STRBP: variants seen among roughly 807,000 people sequenced by gnomAD.
STRBP encodes spermatid perinuclear RNA binding protein, also known as spermatid perinuclear RNA-binding protein.
In STRBP, 13 loss-of-function variants were observed where a neutral mutation model predicts 80.1. That is an observed-to-expected ratio of 0.16 (90% CI 0.11 to 0.26). The LOEUF is 0.26. Ranked by LOEUF, STRBP falls within the 10% of genes least tolerant of loss-of-function variation. The pLI, the probability that STRBP is intolerant of heterozygous loss-of-function variation, is 1.00. For missense variants in STRBP, 485 were observed against 815.2 expected (o/e 0.59, Z 4.93); for synonymous variants, 284 against 291.2 (o/e 0.98, Z 0.25).
chr9:123,174,798 G>A (rs1335931442), intron 4 of STRBP, among the ~76,000 whole-genome samples: 1 of 152,180 alleles, frequency 6.6e-6, no homozygotes, highest in Non-Finnish European at 1.5e-5. Flanking sequence ...GTCATAAATG[G>A]TGCATAAGAA....
Position 123,133,118 on chromosome 9 carries a change from C to G in STRBP, c.1774-150G>C, listed in dbSNP as rs1461435146. ...TGATCTTGAACCTTCAATTTATCAT[C>G]TGAAAAACAAAAATGATACCTACCT... On this transcript the variant is annotated intron_variant, in intron 16 of 18. Transcript: ENST00000348403. 5.6e-6 allele frequency: 5 copies of G among 885,908 alleles called. No homozygotes were observed. The East Asian group carries it at 1.1e-4, about 20-fold the overall frequency. The allele number at this position is 885,908 out of a possible 1,614,324, so 54.9% of individuals were successfully genotyped here.
chr9:123,235,048 A>C (rs1013079133), intron 2 of STRBP, among the ~76,000 whole-genome samples: 2 of 151,994 alleles, frequency 1.3e-5, no homozygotes, highest in African/African-American at 4.8e-5. Context: ...GAACACCGGA[A>C]ACACATTACA....
chr9:123,204,479 C>T (rs529240668), intron 2 of STRBP, among the ~76,000 whole-genome samples: 1 of 152,114 alleles, frequency 6.6e-6, no homozygotes, highest in Non-Finnish European at 1.5e-5. Context: ...TGAAATAGCA[C>T]CAGAATAGTA....
chr9:123,114,150 C>T (rs961831301), intron 3 of STRBP: 2 of 167,140 alleles, frequency 1.2e-5, no homozygotes, highest in Non-Finnish European at 2.9e-5. Flanking sequence ...TCCGTGTCCA[C>T]AGCTGCCACC....
chr9:123,251,361 A>AC (rs763171256), intron 1 of STRBP, among the ~76,000 whole-genome samples: 40 of 152,044 alleles, frequency 2.6e-4, no homozygotes, highest in Non-Finnish European at 5.6e-4. Flanking sequence ...ACCCCTCAAG[A>AC]CCCCACAAAG....
Position 123,125,000 on chromosome 9 carries a change from G to A in STRBP, c.*597C>T. The A allele has an allele frequency of 1.4e-5, 14 of 985,570 alleles. No homozygotes were observed. Among genetic ancestry groups the A allele is most frequent in the African/African-American group, 1.7e-5 (1 of 57,342 alleles). 61.1% of individuals were successfully genotyped at this position (985,570 alleles called of 1,614,324 possible). ...ATTAGTTTTCAATTCCTTGTAATTT[G>A]ATACCAAAACATATCAAAAATAATA... On this transcript the variant is annotated 3_prime_UTR_variant, in exon 19 of 19. Coordinates refer to ENST00000348403, the MANE Select transcript of STRBP (RefSeq NM_018387.5).
chr9:123,248,759 A>T (rs2040853621), intron 1 of STRBP, among the ~76,000 whole-genome samples: 1 of 152,226 alleles, frequency 6.6e-6, no homozygotes, highest in Non-Finnish European at 1.5e-5. Context: ...CACTGTCTGT[A>T]CTTTCCCATA....
Position 123,216,772 on chromosome 9 carries a change from T to C in STRBP, c.-165+20058A>G, listed in dbSNP as rs2132546092. 1.3e-5 allele frequency among the ~76,000 whole-genome samples: 2 copies of C among 152,336 alleles called. 1 individual carries two copies. Among genetic ancestry groups the C allele is most frequent in the South Asian group, 4.1e-4 (2 of 4,830 alleles). ...GGCAAGTGAGCCTTCATTTTTTATC[T>C]CCCATGTTCCATAGAGTGTACAGGA... On this transcript the variant is annotated intron_variant, in intron 2 of 18. Transcript: ENST00000348403.
chr9:123,158,993 T>C (rs1054480494), intron 9 of STRBP, 103 bp downstream of exon 9: 1 of 847,532 alleles, frequency 1.2e-6, no homozygotes. Flanking sequence ...AGAACTCCTA[T>C]GCATCATTTT....
intron 11 of STRBP, among the ~76,000 whole-genome samples, chr9:123,157,046 G>C (rs1471979875): frequency 6.6e-6 from 1 of 152,094 alleles, no homozygotes; most frequent in Non-Finnish European, 1.5e-5. Context: ...TAAGAAAGAG[G>C]GTAATATCCC....
intron 2 of STRBP, among the ~76,000 whole-genome samples, chr9:123,221,949 C>T (rs2040080849): frequency 6.6e-6 from 1 of 152,186 alleles, no homozygotes; most frequent in East Asian, 1.9e-4. Context: ...TCCCAACAGT[C>T]TTTCACCTAA....
At chr9:123,256,351 C>A (rs2041030254) in intron 1 of STRBP, among the ~76,000 whole-genome samples, 1 of 152,040 alleles carries the variant, frequency 6.6e-6, no homozygotes, top group East Asian at 1.9e-4. Context: ...GCTTTCCCCC[C>A]AAATTATTAC....
intron 4 of STRBP, among the ~76,000 whole-genome samples, chr9:123,178,664 A>G (rs78302956): frequency 0.02 from 3,072 of 152,272 alleles, 104 homozygotes; most frequent in African/African-American, 0.07. Context: ...ATCTCCCCAG[A>G]GATCAAAAAC....
chr9:123,168,935 C>A (rs2037887262), intron 6 of STRBP, among the ~76,000 whole-genome samples: 2 of 152,148 alleles, frequency 1.3e-5, no homozygotes, highest in Non-Finnish European at 1.5e-5. Flanking sequence ...GACAGCAATT[C>A]TTCTTAACTT....
chr9:123,259,737 C>T (rs1261027997), intron 1 of STRBP, among the ~76,000 whole-genome samples: 1 of 152,070 alleles, frequency 6.6e-6, no homozygotes, highest in African/African-American at 2.4e-5. Flanking sequence ...ACAACAACAA[C>T]AACAGAGATC....
At chr9:123,167,584 G>A (rs1434512413) in intron 6 of STRBP, among the ~76,000 whole-genome samples, 1 of 151,658 alleles carries the variant, frequency 6.6e-6, no homozygotes, top group Admixed American at 6.6e-5. Flanking sequence ...AATTATAAAA[G>A]ATATCAAGTG....
At chr9:123,241,025 C>A (rs537360523) in intron 1 of STRBP, among the ~76,000 whole-genome samples, 4 of 151,710 alleles carry the variant, frequency 2.6e-5, no homozygotes, top group African/African-American at 9.7e-5. Flanking sequence ...ACTAAAAATA[C>A]AAAATTAGCT....
chr9:123,171,929 AC>A (rs2038027710), intron 5 of STRBP, among the ~76,000 whole-genome samples: 3 of 152,190 alleles, frequency 2.0e-5, no homozygotes, highest in African/African-American at 4.8e-5. Context: ...CTAGACAAGA[AC>A]CTTTTTAAAC....
intron 11 of STRBP, among the ~76,000 whole-genome samples, chr9:123,157,743 T>C (rs940381965): frequency 3.9e-5 from 6 of 152,024 alleles, no homozygotes; most frequent in African/African-American, 2.4e-5. Context: ...GAGAACTCAC[T>C]ATCACAACAA....
Sources: allele counts gnomAD v4.1 joint callset (sites outside exome capture counted in the v4.1 genomes callset), GRCh38; gene constraint gnomAD v4.1.1; transcripts MANE v1.5; gene names NCBI Gene and HGNC (gene_info 2026-07-23, HGNC 2026-07-21).